Variants in PPFIA2 observed in about 807,000 individuals in gnomAD.
PPFIA2 encodes liprin-alpha-2.
In PPFIA2, 46 loss-of-function variants were observed where a neutral mutation model predicts 175.5. That is an observed-to-expected ratio of 0.26 (90% CI 0.21 to 0.34). The LOEUF (loss-of-function observed/expected upper bound fraction) is 0.34. Among genes scored for constraint, PPFIA2 ranks in the 10% least tolerant of loss-of-function variants. PPFIA2 has a pLI of 1.00. For missense variants in PPFIA2, 1,179 were observed against 1,506.1 expected (o/e 0.78, Z 3.60); for synonymous variants, 568 against 511.4 (o/e 1.11, Z -1.49).
chr12:81,437,032 A>G (rs2049185116), intron 7 of PPFIA2, among the ~76,000 whole-genome samples: 1 of 152,226 alleles, frequency 6.6e-6, no homozygotes, highest in Non-Finnish European at 1.5e-5. Context: ...GGAGTGCTAA[A>G]AAGTAAAAAT....
At chr12:81,660,820 G>A (rs1211036447) in intron 4 of PPFIA2, among the ~76,000 whole-genome samples, 3 of 152,166 alleles carry the variant, frequency 2.0e-5, no homozygotes, top group Non-Finnish European at 4.4e-5. Context: ...ACCCACAAAG[G>A]GAATCCCATC....
intron 9 of PPFIA2, among the ~76,000 whole-genome samples, chr12:81,376,428 A>T (rs76083685): frequency 6.6e-6 from 1 of 151,056 alleles, no homozygotes; most frequent in South Asian, 2.1e-4. Context: ...AAAAAAAAAA[A>T]TAGTACATTT....
chr12:81,604,562 C>T (rs1462899698), intron 4 of PPFIA2, among the ~76,000 whole-genome samples: 1 of 150,902 alleles, frequency 6.6e-6, no homozygotes, highest in South Asian at 2.1e-4. Flanking sequence ...AGTTTGATTG[C>T]TTTCAATTTA....
rs868641462 is a variant in PPFIA2 at position 81,613,371 on chromosome 12, C to T, written c.303+63420G>A. Among the ~76,000 whole-genome samples the T allele has an allele frequency of 2.6e-5, 4 of 152,138 alleles. No individual in the cohort carries two copies. In the South Asian group the frequency reaches 6.2e-4, roughly 24 times the overall value. On this transcript the variant is annotated intron_variant, in intron 4 of 32. Transcript: ENST00000549396. ...CACATACAGATTATTAGATGTTGAA[C>T]TTCAACTTGCACACGCCCTCCATGC...
chr12:81,281,119 A>C (rs2042001697), intron 27 of PPFIA2, 138 bp downstream of exon 27: 1 of 654,872 alleles, frequency 1.5e-6, no homozygotes, highest in Non-Finnish European at 2.4e-6. Flanking sequence ...CATTTTTCCA[A>C]GTAGATGTAT....
chr12:81,551,621 C>A (rs572464715), intron 4 of PPFIA2, among the ~76,000 whole-genome samples: 51 of 151,882 alleles, frequency 3.4e-4, no homozygotes, highest in Middle Eastern at 3.4e-3. Flanking sequence ...GTGAAATAAA[C>A]CCCCCATGGA....
chr12:81,600,798 C>T (rs546349591), intron 4 of PPFIA2, among the ~76,000 whole-genome samples: 15 of 152,058 alleles, frequency 9.9e-5, no homozygotes, highest in Non-Finnish European at 1.9e-4. Flanking sequence ...AAACAGAAAC[C>T]TCAAGGTTTA....
chr12:81,714,747 T>G (rs2078377927), intron 3 of PPFIA2, among the ~76,000 whole-genome samples: 1 of 151,152 alleles, frequency 6.6e-6, no homozygotes, highest in African/African-American at 2.4e-5. Context: ...CAAAAACAGT[T>G]TTCATAAAAC....
At chr12:81,302,259 T>G (rs2048036598) in intron 22 of PPFIA2, 1 of 380,548 alleles carries the variant, frequency 2.6e-6, no homozygotes, top group Non-Finnish European at 5.2e-6. Flanking sequence ...CTTGAGCTTT[T>G]ATTTCCCACT....
intron 23 of PPFIA2, among the ~76,000 whole-genome samples, chr12:81,299,016 T>C (rs914398001): frequency 6.6e-6 from 1 of 152,162 alleles, no homozygotes; most frequent in African/African-American, 2.4e-5. Flanking sequence ...GGAATGGATG[T>C]TCTCTTGCAA....
intron 22 of PPFIA2, among the ~76,000 whole-genome samples, chr12:81,321,286 A>G (rs937847865): frequency 5.3e-5 from 8 of 152,250 alleles, no homozygotes; most frequent in South Asian, 4.2e-4. Context: ...TTGCCCTATC[A>G]TCACATTTCT....
chr12:81,378,863 G>A (rs887705050), intron 9 of PPFIA2, among the ~76,000 whole-genome samples: 7 of 152,080 alleles, frequency 4.6e-5, no homozygotes, highest in African/African-American at 1.7e-4. Flanking sequence ...CACCTTTTCC[G>A]TGCTTCACCT....
chr12:81,484,142 T>G (rs904697577), intron 4 of PPFIA2, among the ~76,000 whole-genome samples: 1 of 152,002 alleles, frequency 6.6e-6, no homozygotes, highest in Non-Finnish European at 1.5e-5. Flanking sequence ...CAGAGTTTCA[T>G]TTTTCTGCCC....
intron 4 of PPFIA2, among the ~76,000 whole-genome samples, chr12:81,624,308 C>G (rs1189214055): frequency 6.6e-6 from 1 of 150,970 alleles, no homozygotes; most frequent in Non-Finnish European, 1.5e-5. Context: ...TTATTAACTT[C>G]TTAGGTTCAG....
chr12:81,609,214 A>C (rs939141099), intron 4 of PPFIA2, among the ~76,000 whole-genome samples: 9 of 152,168 alleles, frequency 5.9e-5, no homozygotes, highest in East Asian at 1.9e-4. Context: ...TCAATCTTAA[A>C]ATATGTTCTG....
intron 6 of PPFIA2, among the ~76,000 whole-genome samples, chr12:81,440,327 C>A (rs1211688711): frequency 3.3e-5 from 5 of 151,950 alleles, no homozygotes; most frequent in African/African-American, 1.2e-4. Context: ...GCTCTGAATT[C>A]TGATTCATAG....
chr12:81,571,484 A>G (rs2072534287), intron 4 of PPFIA2, among the ~76,000 whole-genome samples: 1 of 151,896 alleles, frequency 6.6e-6, no homozygotes, highest in Non-Finnish European at 1.5e-5. Context: ...TGGGAAGCAG[A>G]CTCCTTGGGT....
chr12:81,670,297 T>C (rs1426289923), intron 4 of PPFIA2, among the ~76,000 whole-genome samples: 1 of 151,864 alleles, frequency 6.6e-6, no homozygotes. Context: ...TGAAATAGAT[T>C]GGGCCATCAA....
chr12:81,368,604 C>T (rs890812218), intron 13 of PPFIA2, 121 bp downstream of exon 13: 5 of 1,027,820 alleles, frequency 4.9e-6, no homozygotes, highest in Non-Finnish European at 6.9e-6. Context: ...TAAGAATATA[C>T]CAGGCATTTT....
Sources: allele counts gnomAD v4.1 joint callset (sites outside exome capture counted in the v4.1 genomes callset), GRCh38; gene constraint gnomAD v4.1.1; transcripts MANE v1.5; gene names NCBI Gene and HGNC (gene_info 2026-07-23, HGNC 2026-07-21).